RNF13: variants seen among roughly 807,000 people sequenced by gnomAD.
RNF13 encodes the protein E3 ubiquitin-protein ligase RNF13.
RNF13 carries 19 observed loss-of-function variants against 37.7 expected under a neutral mutation model. That is an observed-to-expected ratio of 0.50 (90% CI 0.35 to 0.74). The LOEUF (loss-of-function observed/expected upper bound fraction) is 0.74, where lower values mean the gene tolerates loss of function less well. RNF13 is among the 30% of genes least tolerant of loss of function. The pLI is 0.01. For synonymous variants in RNF13, 144 were observed against 157.8 expected (o/e 0.91, Z 0.65); for missense variants, 375 against 453.0 (o/e 0.83, Z 1.56).
At chr3:149,904,732 A>G (rs954033434) in intron 6 of RNF13, among the ~76,000 whole-genome samples, 14 of 151,796 alleles carry the variant, frequency 9.2e-5, no homozygotes, top group African/African-American at 3.4e-4. Flanking sequence ...AGTATCATCC[A>G]TCTTGTCCAT....
chr3:149,936,473 C>G (rs888386353), intron 8 of RNF13, among the ~76,000 whole-genome samples: 12 of 152,002 alleles, frequency 7.9e-5, no homozygotes, highest in Non-Finnish European at 1.5e-5. Flanking sequence ...TTTGAGCTCA[C>G]TGATTCTTTC....
intron 3 of RNF13, among the ~76,000 whole-genome samples, chr3:149,854,367 A>G (rs1723440066): frequency 1.3e-5 from 2 of 152,168 alleles, no homozygotes; most frequent in Non-Finnish European, 2.9e-5. Flanking sequence ...AGAGTTAAAT[A>G]TTATCAGTGA....
At chr3:149,946,515 T>C (rs954539542) in intron 8 of RNF13, among the ~76,000 whole-genome samples, 2 of 152,222 alleles carry the variant, frequency 1.3e-5, no homozygotes, top group African/African-American at 4.8e-5. Flanking sequence ...TATGTTCACA[T>C]AGATTTCTTA....
intron 4 of RNF13, among the ~76,000 whole-genome samples, chr3:149,883,860 A>T (rs112624386): frequency 1.1e-4 from 16 of 150,964 alleles, no homozygotes; most frequent in African/African-American, 3.9e-4. Context: ...CTCTCCCCCG[A>T]CCCTCCCTGA....
chr3:149,921,872 C>T (rs537937124), intron 8 of RNF13, among the ~76,000 whole-genome samples: 139 of 152,254 alleles, frequency 9.1e-4, no homozygotes, highest in African/African-American at 3.2e-3. Context: ...GAGGAATCGC[C>T]ACACTGTCTT....
intron 1 of RNF13, among the ~76,000 whole-genome samples, chr3:149,824,527 A>G (rs576267022): frequency 2.0e-5 from 3 of 152,386 alleles, no homozygotes; most frequent in African/African-American, 7.2e-5. Flanking sequence ...CTAGAAGCTG[A>G]TAAGTATAAC....
chr3:149,903,242 C>T (rs920088607), intron 6 of RNF13, among the ~76,000 whole-genome samples: 1 of 151,772 alleles, frequency 6.6e-6, no homozygotes. Context: ...TTTTGTCAGC[C>T]GTGTTTGCTT....
rs1363825759 is a variant in RNF13 at position 149,872,127 on chromosome 3, A to G, written c.294A>G (p.Arg98=). 6.3e-7 allele frequency: 1 copy of G among 1,588,668 alleles called. No homozygotes were observed. Among genetic ancestry groups the G allele is most frequent in the East Asian group, 2.3e-5 (1 of 44,374 alleles). ...NSSGTFIVLI[R]RLDCNFDIKV... ...CTGGCACTTTCATCGTGTTAATTAG[A>G]AGACTTGATTGTAATTTTGATATAA... is the stretch of plus-strand genomic sequence containing the variant. Residue 98 remains arginine (R), a synonymous_variant, in exon 4 of 10, where the codon AGA becomes AGG. Coordinates refer to ENST00000392894, the MANE Select transcript of RNF13 (RefSeq NM_183381.3).
intron 7 of RNF13, among the ~76,000 whole-genome samples, chr3:149,915,455 C>T (rs1263392913): frequency 6.6e-6 from 1 of 152,124 alleles, no homozygotes; most frequent in Non-Finnish European, 1.5e-5. Flanking sequence ...AGTATGGCAA[C>T]TCCTCAAAAA....
chr3:149,831,626 A>G (rs1296992768), intron 1 of RNF13, among the ~76,000 whole-genome samples: 1 of 152,296 alleles, frequency 6.6e-6, no homozygotes, highest in Non-Finnish European at 1.5e-5. Context: ...ACCTTGTTTC[A>G]GATGAGACTT....
rs60341966 is a variant in RNF13 at position 149,830,792 on chromosome 3, T to G, written c.-16-15219T>G. Among the ~76,000 whole-genome samples the G allele has an allele frequency of 7.1e-3, 1,077 of 150,732 alleles. 16 individuals are homozygous for G. The highest frequency in any genetic ancestry group is 0.025 in the African/African-American group (1,001 of 40,122). ...ATGTCTCCAGGGCATGTCAGAGGTC[T>G]TCATGGCAGCCCCTCCTATCACACG... On this transcript the variant is annotated intron_variant, in intron 1 of 9. Coordinates refer to ENST00000392894, the MANE Select transcript of RNF13 (RefSeq NM_183381.3).
chr3:149,946,468 C>T (rs1240808178), intron 8 of RNF13, among the ~76,000 whole-genome samples: 2 of 152,120 alleles, frequency 1.3e-5, no homozygotes, highest in Non-Finnish European at 2.9e-5. Context: ...TGTTGGGAGG[C>T]TTTTAATTAC....
intron 3 of RNF13, among the ~76,000 whole-genome samples, chr3:149,859,648 A>G (rs969154007): frequency 2.0e-5 from 3 of 152,130 alleles, no homozygotes; most frequent in African/African-American, 7.2e-5. Context: ...TCAGTTCAAT[A>G]TAGCTAATTT....
chr3:149,840,349 A>G (rs1282283301), intron 1 of RNF13, among the ~76,000 whole-genome samples: 1 of 152,148 alleles, frequency 6.6e-6, no homozygotes, highest in African/African-American at 2.4e-5. Flanking sequence ...CTTCCTTTGA[A>G]GAAGTGTGAC....
intron 4 of RNF13, chr3:149,893,855 A>G (rs1321012834): frequency 6.6e-6 from 1 of 152,216 alleles, no homozygotes; most frequent in African/African-American, 2.4e-5. Flanking sequence ...CATACTTGTC[A>G]CAGTTTTGTT....
chr3:149,957,779 AAT>A (rs1722007048), intron 8 of RNF13, among the ~76,000 whole-genome samples: 1 of 152,216 alleles, frequency 6.6e-6, no homozygotes, highest in Non-Finnish European at 1.5e-5. Context: ...TAATTATGTT[AAT>A]GTTTGTGTTT....
intron 5 of RNF13, 74 bp from the exon 6 acceptor site, chr3:149,901,998 T>G (rs1715891761): frequency 1.7e-6 from 1 of 578,300 alleles, no homozygotes; most frequent in South Asian, 3.5e-5. Context: ...TTGCATTTGC[T>G]GCTATTATGA....
chr3:149,959,266 C>CCA (rs1722155036), intron 8 of RNF13, among the ~76,000 whole-genome samples: 1 of 152,200 alleles, frequency 6.6e-6, no homozygotes, highest in Non-Finnish European at 1.5e-5. Flanking sequence ...CAAGATCATG[C>CCA]CACTGCACTC....
At chr3:149,890,866 C>G (rs1040385655) in intron 4 of RNF13, among the ~76,000 whole-genome samples, 1 of 152,146 alleles carries the variant, frequency 6.6e-6, no homozygotes, top group African/African-American at 2.4e-5. Flanking sequence ...TAAAATCTGT[C>G]ATAGGTATTT....
Sources: gnomAD v4.1 joint callset for allele counts (sites outside exome capture counted in the v4.1 genomes callset) on GRCh38, gnomAD v4.1.1 for gene constraint, MANE v1.5 for transcripts, NCBI Gene and HGNC (gene_info 2026-07-23, HGNC 2026-07-21) for gene names.